MKKS: variants seen among roughly 807,000 people sequenced by gnomAD.
The protein encoded by MKKS is MKKS centrosomal shuttling protein, also known as molecular chaperone MKKS.
MKKS carries 29 observed loss-of-function variants against 33.2 expected under a neutral mutation model. The ratio of observed to expected loss-of-function variants is 0.87; its 90% CI spans 0.65 to 1.19. The LOEUF is 1.19. MKKS is among the 50% of genes most tolerant of loss of function. The pLI is 0.00. For synonymous variants in MKKS, 260 were observed against 244.0 expected (o/e 1.07, Z -0.61); for missense variants, 661 against 662.3 (o/e 1.00, Z 0.02).
chr20:10,407,526 G>T, intron 5 of MKKS, 90 bp downstream of exon 5: 3 of 1,093,318 alleles, frequency 2.7e-6, no homozygotes, highest in South Asian at 1.3e-5. Flanking sequence ...CTAACAAAAA[G>T]ACTATAGGAT....
At chr20:10,415,825 T>A (rs187352958) in intron 2 of MKKS, among the ~76,000 whole-genome samples, 25 of 152,284 alleles carry the variant, frequency 1.6e-4, no homozygotes, top group African/African-American at 4.6e-4. Flanking sequence ...CTTACAGTAG[T>A]GAGACCAGTA....
chr20:10,419,170 C>T (rs1026093961), intron 2 of MKKS, among the ~76,000 whole-genome samples: 1 of 152,070 alleles, frequency 6.6e-6, no homozygotes, highest in Non-Finnish European at 1.5e-5. Context: ...AGAGCAGAAC[C>T]TTACACTCAT....
In MKKS at chr20:10,433,577, C is replaced by T. The variant is rs182948936; in HGVS notation, c.-649+531G>A. Reference sequence around the variant, plus strand: ...GGTATGGTCTTATCGGGGAGGAAGACGAGCATGACCTTAGAGGGTCATCCC... The same window carrying T: ...GGTATGGTCTTATCGGGGAGGAAGATGAGCATGACCTTAGAGGGTCATCCC... On this transcript the variant is annotated intron_variant, in intron 1 of 5. Coordinates refer to ENST00000347364, the MANE Select transcript of MKKS (RefSeq NM_170784.3). 4.6e-4 allele frequency among the ~76,000 whole-genome samples: 70 copies of T among 152,314 alleles called. 1 individual carries two copies. The highest frequency in any genetic ancestry group is 4.4e-3 in the East Asian group (23 of 5,178).
At chr20:10,422,899 G>T (rs2122262409) in intron 1 of MKKS, among the ~76,000 whole-genome samples, 1 of 151,994 alleles carries the variant, frequency 6.6e-6, no homozygotes. Flanking sequence ...TTTTAGTAGA[G>T]ACAGGGTTTC....
rs796394285 is a variant in MKKS at position 10,402,634 on chromosome 20, G to A, written c.*2613C>T. On this transcript the variant is annotated 3_prime_UTR_variant, in exon 6 of 6. Coordinates refer to ENST00000347364, the MANE Select transcript of MKKS (RefSeq NM_170784.3). Reference sequence around the variant, plus strand: ...AAGCCCCTAATCTATAAGATCAATTGGAGAGGTTCGCTGTGTCACCCCTTC... The same window carrying A: ...AAGCCCCTAATCTATAAGATCAATTAGAGAGGTTCGCTGTGTCACCCCTTC... 4.6e-5 allele frequency: 7 copies of A among 152,248 alleles called. 1 individual carries two copies. The highest frequency in any genetic ancestry group is 1.7e-4 in the African/African-American group (7 of 41,550). The allele number at this position is 152,248 out of a possible 1,614,324, so 9.4% of individuals were successfully genotyped here.
At chr20:10,430,926 G>A (rs910890343) in intron 1 of MKKS, among the ~76,000 whole-genome samples, 2 of 152,164 alleles carry the variant, frequency 1.3e-5, no homozygotes, top group Non-Finnish European at 2.9e-5. Flanking sequence ...TTTTACATAA[G>A]AGCAAAAGCA....
chr20:10,407,542 G>C (rs1052235886), intron 5 of MKKS, 74 bp downstream of exon 5: 151 of 1,230,128 alleles, frequency 1.2e-4, no homozygotes, highest in Non-Finnish European at 1.7e-4. Context: ...AGGATATTAT[G>C]ATTTTGGCTT....
At position 10,412,791 on chromosome 20, in the gene MKKS, C is replaced by A. The variant is rs74315394; in HGVS notation, c.724G>T (p.Ala242Ser). 7.7e-3 allele frequency: 12,471 copies of A among 1,614,156 alleles called. 73 individuals carry two copies. Among genetic ancestry groups the A allele is most frequent in the Non-Finnish European group, 9.7e-3 (11,501 of 1,180,016 alleles). ...PIKKSTALKV[A>S]LFCTTLSGDT... ...CCGGATAAAGTTGTACAAAAGAGTG[C>A]CACCTTGAGGGCAGTTGATTTTTTG... The change falls in exon 3 of 6, where the codon GCA (alanine) becomes TCA (serine). Residue 242 changes from alanine to serine, a missense_variant. Transcript: ENST00000347364.
At chr20:10,432,785 T>C (rs1203138782) in intron 1 of MKKS, among the ~76,000 whole-genome samples, 1 of 55,744 alleles carries the variant, frequency 1.8e-5, no homozygotes, top group Admixed American at 1.8e-4. Context: ...GCGAGACTCT[T>C]TGTCAAAAAA....
At chr20:10,416,760 G>A (rs912310024) in intron 2 of MKKS, among the ~76,000 whole-genome samples, 20 of 152,294 alleles carry the variant, frequency 1.3e-4, no homozygotes, top group Middle Eastern at 3.4e-3. Flanking sequence ...TAATGAAATA[G>A]TGCATTAGAC....
chr20:10,422,880 T>A (rs1381119657), intron 1 of MKKS, among the ~76,000 whole-genome samples: 1 of 151,674 alleles, frequency 6.6e-6, no homozygotes, highest in Non-Finnish European at 1.5e-5. Context: ...CCTGGCTAAT[T>A]TTTTGTATTT....
intron 1 of MKKS, among the ~76,000 whole-genome samples, chr20:10,430,280 C>T (rs1342612412): frequency 6.6e-6 from 1 of 152,184 alleles, no homozygotes; most frequent in Non-Finnish European, 1.5e-5. Context: ...GGCTTTGAAT[C>T]TTCACTTACC....
intron 2 of MKKS, among the ~76,000 whole-genome samples, chr20:10,416,222 A>G (rs1419052966): frequency 1.3e-5 from 2 of 152,180 alleles, no homozygotes; most frequent in Admixed American, 6.5e-5. Flanking sequence ...CTTCTTCTAA[A>G]TTAAGAGGTG....
At chr20:10,409,031 C>T (rs890862860) in intron 3 of MKKS, among the ~76,000 whole-genome samples, 23 of 152,090 alleles carry the variant, frequency 1.5e-4, no homozygotes, top group African/African-American at 4.8e-4. Flanking sequence ...TTACAGATCT[C>T]TTTGAAAATC....
At chr20:10,421,572 A>T (rs1600855552) in intron 1 of MKKS, among the ~76,000 whole-genome samples, 1 of 152,160 alleles carries the variant, frequency 6.6e-6, no homozygotes, top group East Asian at 1.9e-4. Context: ...ATGGATTCCA[A>T]TTGCAGTAAA....
intron 1 of MKKS, among the ~76,000 whole-genome samples, chr20:10,426,423 T>G (rs1464340512): frequency 6.6e-6 from 1 of 152,240 alleles, no homozygotes; most frequent in African/African-American, 2.4e-5. Context: ...TTTTTCTTTT[T>G]TTGGGACAGT....
At chr20:10,417,085 T>C (rs1568668797) in intron 2 of MKKS, among the ~76,000 whole-genome samples, 2 of 151,780 alleles carry the variant, frequency 1.3e-5, no homozygotes. Flanking sequence ...CTGTCTCTAC[T>C]AAAAAAATAC....
At chr20:10,414,174 G>A (rs1055121799) in intron 2 of MKKS, among the ~76,000 whole-genome samples, 2 of 151,954 alleles carry the variant, frequency 1.3e-5, no homozygotes, top group African/African-American at 4.8e-5. Flanking sequence ...ACAACAACAT[G>A]GCTAGAAAGC....
rs2064851971 is a variant in MKKS at position 10,407,614 on chromosome 20, A to G, written c.1272+2T>C. 16 of 1,612,106 alleles carry G rather than the reference A, an allele frequency of 9.9e-6. No homozygotes were observed. The East Asian group carries it at 1.6e-4, about 16-fold the overall frequency. ...TAATCCGAAGAGGATTATCTTACAT[A>G]CCTTGTGTCTGATATATGCAGCCAA... On this transcript the variant is annotated splice_donor_variant, in intron 5 of 5. Coordinates refer to ENST00000347364, the MANE Select transcript of MKKS (RefSeq NM_170784.3). LOFTEE classifies it high-confidence loss of function.
Sources: gnomAD v4.1 joint callset for allele counts (sites outside exome capture counted in the v4.1 genomes callset) on GRCh38, gnomAD v4.1.1 for gene constraint, MANE v1.5 for transcripts, NCBI Gene and HGNC (gene_info 2026-07-23, HGNC 2026-07-21) for gene names.